The following ELAVL1 variants were observed in gnomAD, a reference collection of about 807,000 sequenced individuals.
ELAVL1 encodes ELAV-like protein 1.
A neutral mutation model predicts 28.4 loss-of-function variants in ELAVL1; 1 was observed. The ratio of observed to expected loss-of-function variants is 0.04; its 90% confidence interval spans 0.01 to 0.17. The LOEUF (loss-of-function observed/expected upper bound fraction) is 0.17, where lower values mean the gene tolerates loss of function less well. Among genes scored for constraint, ELAVL1 ranks in the 10% least tolerant of loss-of-function variants. The pLI is 1.00. For synonymous variants in ELAVL1, 174 were observed against 183.5 expected (o/e 0.95, Z 0.42); for missense variants, 157 against 447.2 (o/e 0.35, Z 5.85).
At chr19:8,002,200 G>A (rs1169474756) in intron 1 of ELAVL1, 2 of 1,172,296 alleles carry the variant, frequency 1.7e-6, no homozygotes, top group East Asian at 5.7e-5. Context: ...CCACCTCCGG[G>A]CTTGGCTGTA....
rs145885267 is a variant in ELAVL1 at position 7,961,898 on chromosome 19, A to C, written c.*1585T>G. 25 of 152,450 alleles carry C rather than the reference A, an allele frequency of 1.6e-4. 1 individual carries two copies. The highest frequency in any genetic ancestry group is 5.8e-4 in the African/African-American group (24 of 41,586). The allele number at this position is 152,450 out of a possible 1,614,324, so 9.4% of individuals were successfully genotyped here. On this transcript the variant is annotated 3_prime_UTR_variant, in exon 6 of 6. Coordinates refer to ENST00000407627, the MANE Select transcript of ELAVL1 (RefSeq NM_001419.3). ...ATAAATACAGCCATCATCTCATGAGAGCAATAACTAAAAAACAGCCTACGG... is the reference window on the plus strand; with the variant it reads ...ATAAATACAGCCATCATCTCATGAGCGCAATAACTAAAAAACAGCCTACGG...
intron 4 of ELAVL1, 107 bp downstream of exon 4, chr19:7,973,618 C>A: frequency 7.2e-7 from 1 of 1,383,784 alleles, no homozygotes; most frequent in South Asian, 1.4e-5. Flanking sequence ...TCCTCGTTTG[C>A]GGAATAACTA....
intron 3 of ELAVL1, among the ~76,000 whole-genome samples, chr19:7,975,402 A>G (rs749943850): frequency 2.0e-5 from 3 of 152,202 alleles, no homozygotes; most frequent in Admixed American, 1.3e-4. Flanking sequence ...GATGCCTCCC[A>G]AGGACAGGTG....
At chr19:7,971,017 G>A (rs1401927453) in intron 4 of ELAVL1, among the ~76,000 whole-genome samples, 1 of 152,232 alleles carries the variant, frequency 6.6e-6, no homozygotes, top group African/African-American at 2.4e-5. Flanking sequence ...GTGGGAAGCA[G>A]AGCCGGGAGA....
rs1006005823 is a variant in ELAVL1, at chr19:7,980,975, G to A, written c.276+108C>T. ...GGTATCTGATGGGAGCCCCCGAGGA[G>A]CGGCTGTGCTCATAGTCCCTTGGAG... On this transcript the variant is annotated intron_variant, in intron 3 of 5. Transcript: ENST00000407627. 82 of 1,098,362 alleles carry A rather than the reference G, an allele frequency of 7.5e-5. No homozygotes were observed. The Admixed American group carries it at 1.4e-3, about 19-fold the overall frequency. 68.0% of individuals were successfully genotyped at this position (1,098,362 alleles called of 1,614,324 possible). A position where few individuals can be genotyped will look rare whatever the true frequency, so the allele number is the denominator to read the frequency against.
chr19:7,989,632 G>A (rs966239953), intron 2 of ELAVL1, among the ~76,000 whole-genome samples: 2 of 152,224 alleles, frequency 1.3e-5, no homozygotes, highest in Non-Finnish European at 2.9e-5. Context: ...ACCAGAAAGA[G>A]GAAAAAGGTG....
In ELAVL1 at chr19:7,961,979, T is replaced by A. The variant is rs1490084150; in HGVS notation, c.*1504A>T. 1 of 153,142 alleles carries A rather than the reference T, an allele frequency of 6.5e-6. No homozygotes were observed. 9.5% of individuals were successfully genotyped at this position (153,142 alleles called of 1,614,324 possible). On this transcript the variant is annotated 3_prime_UTR_variant, in exon 6 of 6. Coordinates refer to ENST00000407627, the MANE Select transcript of ELAVL1 (RefSeq NM_001419.3). ...ACTGCTGGTACTAAGTTATCCTGTT[T>A]GTGATTCTCTCTGTAAACTAGTTAT...
intron 1 of ELAVL1, among the ~76,000 whole-genome samples, chr19:7,998,925 G>A (rs986796413): frequency 2.6e-5 from 4 of 152,124 alleles, no homozygotes; most frequent in African/African-American, 9.7e-5. Flanking sequence ...CTACTGGTGT[G>A]TGCCACCATA....
chr19:7,996,530 G>T (rs2081049764), intron 1 of ELAVL1, among the ~76,000 whole-genome samples: 1 of 151,664 alleles, frequency 6.6e-6, no homozygotes. Context: ...AAGCAGGCTA[G>T]TGTGCTGGCT....
At chr19:7,999,863 G>A (rs564338172) in intron 1 of ELAVL1, among the ~76,000 whole-genome samples, 36 of 152,256 alleles carry the variant, frequency 2.4e-4, no homozygotes, top group Non-Finnish European at 4.6e-4. Context: ...TGCAACCTCC[G>A]CCTCCTAGGT....
chr19:7,980,827 C>CA (rs1985441078), intron 3 of ELAVL1, among the ~76,000 whole-genome samples: 1 of 152,122 alleles, frequency 6.6e-6, no homozygotes, highest in South Asian at 2.1e-4. Flanking sequence ...GATGGGAACA[C>CA]AGAGAGCCAG....
At chr19:8,003,359 AAAAAAAAAAAAAAAAGAAAAAG>A (rs1426177018) in intron 1 of ELAVL1, among the ~76,000 whole-genome samples, 18 of 122,770 alleles carry the variant, frequency 1.5e-4, no homozygotes, top group African/African-American at 2.4e-4. Context: ...CTGTCTCAAA[AAAAAAAAAAAAAAAAGAAAAAG>A]AAAAAAAAAA....
Position 7,964,076 on chromosome 19 carries a change from T to C in ELAVL1, c.657-269A>G, listed in dbSNP as rs140848485. Among the ~76,000 whole-genome samples, 181 of 152,330 alleles carry C rather than the reference T, an allele frequency of 1.2e-3. 1 individual carries two copies. The highest frequency in any genetic ancestry group is 2.5e-3 in the Admixed American group (38 of 15,306). On this transcript the variant is annotated intron_variant, in intron 5 of 5. Coordinates refer to ENST00000407627, the MANE Select transcript of ELAVL1 (RefSeq NM_001419.3). ...CTCCCACTGTGTATGTCGGGGTTTC[T>C]GTTTAGGGGTTCCTGCGGTTCCCCA...
rs777599409 is a variant in ELAVL1 at position 7,991,702 on chromosome 19, G to A, written c.114C>T (p.Ser38=). 2 of 1,613,924 alleles carry A rather than the reference G, an allele frequency of 1.2e-6. No individual in the cohort carries two copies. The highest frequency in any genetic ancestry group is 1.7e-6 in the Non-Finnish European group (2 of 1,179,958). Residue 38 remains serine (S), a synonymous_variant, in exon 2 of 6, where the codon AGC becomes AGT. Transcript: ENST00000407627. The part of the protein sequence containing the change: ...PQNMTQDELR[S]LFSSIGEVES... ...CAACTTCACCAATGCTGCTGAACAG[G>A]CTTCGTAACTCATCCTGGGTCATGT...
chr19:7,988,597 AAC>A (rs531679645), intron 2 of ELAVL1, among the ~76,000 whole-genome samples: 16 of 152,198 alleles, frequency 1.1e-4, no homozygotes, highest in Non-Finnish European at 2.4e-4. Flanking sequence ...GTGGGAGGCC[AAC>A]ACACACAGCA....
chr19:8,005,265 C>A (rs569389835), intron 1 of ELAVL1, among the ~76,000 whole-genome samples: 80 of 151,840 alleles, frequency 5.3e-4, no homozygotes, highest in Non-Finnish European at 8.3e-4. Context: ...CCCCCTCGCC[C>A]GTCCCTCGAG....
chr19:7,988,708 T>TG (rs1335352165), intron 2 of ELAVL1, among the ~76,000 whole-genome samples: 1 of 152,202 alleles, frequency 6.6e-6, no homozygotes, highest in Non-Finnish European at 1.5e-5. Context: ...TGGGACCACG[T>TG]GGGTGGAGGC....
At chr19:7,971,450 A>C (rs1475010536) in intron 4 of ELAVL1, among the ~76,000 whole-genome samples, 2 of 152,224 alleles carry the variant, frequency 1.3e-5, no homozygotes, top group Non-Finnish European at 2.9e-5. Flanking sequence ...GGCCCTGCAC[A>C]GCCAGCTCAG....
intron 2 of ELAVL1, among the ~76,000 whole-genome samples, chr19:7,991,224 G>C (rs1366794906): frequency 6.6e-6 from 1 of 152,174 alleles, no homozygotes; most frequent in Non-Finnish European, 1.5e-5. Flanking sequence ...GACCAAGAGT[G>C]GGGGCCTGGA....
Sources: gnomAD v4.1 joint callset for allele counts (sites outside exome capture counted in the v4.1 genomes callset) on GRCh38, gnomAD v4.1.1 for gene constraint, MANE v1.5 for transcripts, NCBI Gene and HGNC (gene_info 2026-07-23, HGNC 2026-07-21) for gene names.